CLSTN2: variants seen among roughly 807,000 people sequenced by gnomAD.
CLSTN2 encodes calsyntenin-2.
A neutral mutation model predicts 101.2 loss-of-function variants in CLSTN2; 48 were observed. That is an observed-to-expected ratio of 0.47 (90% CI 0.38 to 0.60). CLSTN2 has a LOEUF of 0.60. CLSTN2 is among the 20% of genes least tolerant of loss of function. The probability of loss-of-function intolerance (pLI) is 0.00; values close to 1 mark genes in which losing one functional copy is unlikely to be tolerated. For missense variants in CLSTN2, 1,160 were observed against 1,238.2 expected (o/e 0.94, Z 0.95); for synonymous variants, 481 against 463.6 (o/e 1.04, Z -0.48).
chr3:140,346,606 AT>A (rs2087548565), intron 2 of CLSTN2, among the ~76,000 whole-genome samples: 1 of 152,238 alleles, frequency 6.6e-6, no homozygotes, highest in Non-Finnish European at 1.5e-5. Context: ...AGAGTCAAAT[AT>A]ACAGAAACTC....
At chr3:140,300,063 G>C (rs567580455) in intron 2 of CLSTN2, among the ~76,000 whole-genome samples, 32 of 152,288 alleles carry the variant, frequency 2.1e-4, no homozygotes, top group Non-Finnish European at 4.0e-4. Context: ...ACAGCTCTTG[G>C]CTCCCTCACT....
chr3:140,045,066 T>C (rs1021448695), intron 1 of CLSTN2, among the ~76,000 whole-genome samples: 78 of 152,134 alleles, frequency 5.1e-4, no homozygotes, highest in Non-Finnish European at 6.9e-4. Flanking sequence ...GAGAGGATTC[T>C]CTCTTTTTCT....
At chr3:140,477,500 A>G (rs1351082639) in intron 8 of CLSTN2, among the ~76,000 whole-genome samples, 2 of 152,232 alleles carry the variant, frequency 1.3e-5, no homozygotes, top group African/African-American at 4.8e-5. Context: ...AAAAAAGGGA[A>G]ACTAGCATTT....
intron 11 of CLSTN2, among the ~76,000 whole-genome samples, chr3:140,557,795 C>A (rs1460473757): frequency 6.6e-6 from 1 of 152,166 alleles, no homozygotes; most frequent in Admixed American, 6.5e-5. Context: ...CCCGTTGTAA[C>A]CTACATCTAG....
At chr3:140,266,620 A>G (rs1332079685) in intron 2 of CLSTN2, among the ~76,000 whole-genome samples, 1 of 151,626 alleles carries the variant, frequency 6.6e-6, no homozygotes, top group Non-Finnish European at 1.5e-5. Flanking sequence ...TTGAAGCTGA[A>G]TAAATGAAAA....
chr3:140,388,935 C>A (rs548569915), intron 2 of CLSTN2, among the ~76,000 whole-genome samples: 2 of 151,804 alleles, frequency 1.3e-5, no homozygotes, highest in East Asian at 3.9e-4. Context: ...TAACTTTTGG[C>A]AAACTGTTTT....
At chr3:140,325,849 A>G (rs571479680) in intron 2 of CLSTN2, among the ~76,000 whole-genome samples, 1 of 152,288 alleles carries the variant, frequency 6.6e-6, no homozygotes, top group African/African-American at 2.4e-5. Context: ...AGTAGGGTGG[A>G]CGCGTCAGGT....
At chr3:140,457,562 T>C (rs1289145841) in intron 6 of CLSTN2, among the ~76,000 whole-genome samples, 1 of 152,232 alleles carries the variant, frequency 6.6e-6, no homozygotes, top group Admixed American at 6.5e-5. Flanking sequence ...AAAGATTTTA[T>C]TGGCAATTAA....
chr3:140,301,457 G>C (rs1559832840), intron 2 of CLSTN2, among the ~76,000 whole-genome samples: 1 of 152,166 alleles, frequency 6.6e-6, no homozygotes, highest in Non-Finnish European at 1.5e-5. Context: ...CTTCACAGAA[G>C]ACAGCAGGAT....
intron 2 of CLSTN2, among the ~76,000 whole-genome samples, chr3:140,344,585 G>T (rs2107938309): frequency 6.6e-6 from 1 of 152,128 alleles, no homozygotes; most frequent in East Asian, 1.9e-4. Flanking sequence ...CTCCCACTGG[G>T]GGTCCAACTA....
chr3:140,285,015 A>T (rs569297179), intron 2 of CLSTN2, among the ~76,000 whole-genome samples: 2 of 152,190 alleles, frequency 1.3e-5, no homozygotes, highest in South Asian at 4.1e-4. Context: ...GAGTAGAGTA[A>T]AACAAGGAAA....
At chr3:140,265,420 G>T (rs367810365) in intron 2 of CLSTN2, among the ~76,000 whole-genome samples, 1 of 152,122 alleles carries the variant, frequency 6.6e-6, no homozygotes, top group African/African-American at 2.4e-5. Context: ...AGGAGAGAAG[G>T]CTCAGAGACT....
chr3:140,459,597 C>G lies in CLSTN2; in HGVS notation c.1050C>G (p.Asp350Glu). ...ACTGGACTGCAGGACTGCTGGTGGA[C>G]AGCAGTGAGATGATCTTCAAGTTTG... is the stretch of plus-strand genomic sequence containing the variant. ...ATNWTAGLLV[D>E]SSEMIFKFDG... The change falls in exon 7 of 17, where the codon GAC becomes GAG. Residue 350 changes from aspartate to glutamate, a missense_variant. By Grantham distance (45) the Asp-to-Glu change is conservative. Coordinates refer to ENST00000458420, the MANE Select transcript of CLSTN2 (RefSeq NM_022131.3). 6.2e-7 allele frequency: 1 copy of G among 1,614,146 alleles called. No homozygotes were observed. The highest frequency in any genetic ancestry group is 8.5e-7 in the Non-Finnish European group (1 of 1,180,016).
chr3:140,095,755 G>A lies in CLSTN2; in HGVS notation c.110-80196G>A, dbSNP rs562455897. On this transcript the variant is annotated intron_variant, in intron 1 of 16. Coordinates refer to ENST00000458420, the MANE Select transcript of CLSTN2 (RefSeq NM_022131.3). ...AGAGTGCTTGGAAGCAAACACCTGG[G>A]GTATTGGGACCATGTCAGTGACCAG... 8.5e-5 allele frequency among the ~76,000 whole-genome samples: 13 copies of A among 152,260 alleles called. No individual in the cohort carries two copies. In the South Asian group the frequency reaches 2.5e-3, roughly 29 times the overall value.
At chr3:140,087,529 C>T (rs1245982069) in intron 1 of CLSTN2, among the ~76,000 whole-genome samples, 1 of 152,202 alleles carries the variant, frequency 6.6e-6, no homozygotes, top group African/African-American at 2.4e-5. Flanking sequence ...ATTCATCTGT[C>T]CACTGATCCT....
chr3:140,547,516 A>T (rs958627251), intron 10 of CLSTN2, among the ~76,000 whole-genome samples: 1 of 152,144 alleles, frequency 6.6e-6, no homozygotes, highest in African/African-American at 2.4e-5. Context: ...GAAAAAAAAC[A>T]TGAACAGTTC....
At chr3:140,244,775 G>C (rs1559817572) in intron 2 of CLSTN2, among the ~76,000 whole-genome samples, 1 of 152,110 alleles carries the variant, frequency 6.6e-6, no homozygotes, top group African/African-American at 2.4e-5. Flanking sequence ...CTGCATTTGT[G>C]TTAATATCTT....
chr3:140,337,031 C>T (rs1002406713), intron 2 of CLSTN2, among the ~76,000 whole-genome samples: 8 of 152,292 alleles, frequency 5.3e-5, no homozygotes, highest in African/African-American at 9.6e-5. Context: ...TCTGGAGGGC[C>T]GCTGCATCAC....
chr3:140,556,848 CTGTTGTTT>C, intron 11 of CLSTN2, 187 bp downstream of exon 11: 2 of 591,734 alleles, frequency 3.4e-6, no homozygotes, highest in East Asian at 2.9e-5. Flanking sequence ...GCAAGATGTT[CTGTTGTTT>C]TACCACCTTG....
Sources: allele counts gnomAD v4.1 joint callset (sites outside exome capture counted in the v4.1 genomes callset), GRCh38; gene constraint gnomAD v4.1.1; transcripts MANE v1.5; gene names NCBI Gene and HGNC (gene_info 2026-07-23, HGNC 2026-07-21).